Variants in BRAP observed in about 807,000 individuals in gnomAD.
BRAP encodes BRCA1 associated protein, also known as BRCA1-associated protein.
In BRAP, 42 loss-of-function variants were observed where a neutral mutation model predicts 73.4. The observed-to-expected ratio is 0.57, with a 90% CI of 0.45 to 0.74. The LOEUF is 0.74. BRAP is among the 30% of genes least tolerant of loss of function. BRAP has a pLI of 0.00. For synonymous variants in BRAP, 255 were observed against 267.4 expected (o/e 0.95, Z 0.45); for missense variants, 593 against 751.4 (o/e 0.79, Z 2.46).
intron 5 of BRAP, among the ~76,000 whole-genome samples, chr12:111,667,698 CAA>C (rs565349424): frequency 2.8e-4 from 6 of 21,288 alleles, no homozygotes; most frequent in Admixed American, 1.2e-3. Context: ...AACTCCGTCT[CAA>C]AAAAAAAAAA....
chr12:111,679,503 A>T (rs948819693), intron 3 of BRAP, among the ~76,000 whole-genome samples, 163 bp from the exon 4 acceptor site: 1 of 152,192 alleles, frequency 6.6e-6, no homozygotes, highest in Non-Finnish European at 1.5e-5. Flanking sequence ...TTTAATCTTC[A>T]GTTCAACATT....
chr12:111,652,719 C>T (rs1566112103), intron 10 of BRAP, among the ~76,000 whole-genome samples: 1 of 149,760 alleles, frequency 6.7e-6, no homozygotes, highest in South Asian at 2.1e-4. Flanking sequence ...ATCTCTCTCT[C>T]TTTTTTTTTG....
At chr12:111,647,971 G>A (rs1814322424) in intron 11 of BRAP, among the ~76,000 whole-genome samples, 1 of 152,108 alleles carries the variant, frequency 6.6e-6, no homozygotes, top group African/African-American at 2.4e-5. Context: ...GGGAGGCTGA[G>A]GTGGGAGGAT....
Position 111,646,285 on chromosome 12 carries a change from C to CA in BRAP, c.1416-1724dup, listed in dbSNP as rs568837899. Among the ~76,000 whole-genome samples the CA allele has an allele frequency of 3.3e-5, 5 of 151,722 alleles. No individual in the cohort carries two copies. The South Asian group carries it at 1.0e-3, about 32-fold the overall frequency. ...TGTCTGACAGAGTAAGACCCTGTCT[C>CA]AAAAAAACAACAACAAAAACCAAAA... On this transcript the variant is annotated intron_variant, in intron 11 of 11. Coordinates refer to ENST00000419234, the MANE Select transcript of BRAP (RefSeq NM_006768.5).
intron 6 of BRAP, among the ~76,000 whole-genome samples, chr12:111,661,440 C>T (rs1051389800): frequency 2.0e-5 from 3 of 151,840 alleles, no homozygotes; most frequent in East Asian, 1.9e-4. Context: ...CCACCACGCC[C>T]AGCTAATTTT....
chr12:111,651,690 T>G (rs1220545307), intron 10 of BRAP, among the ~76,000 whole-genome samples: 1 of 140,850 alleles, frequency 7.1e-6, no homozygotes, highest in East Asian at 2.1e-4. Context: ...CAGGCTGGAG[T>G]GCAATGGCGC....
intron 10 of BRAP, among the ~76,000 whole-genome samples, chr12:111,650,317 G>A (rs961941573): frequency 2.0e-5 from 3 of 152,158 alleles, no homozygotes; most frequent in African/African-American, 4.8e-5. Context: ...CCAGGCTGGA[G>A]TGCAGTGGGA....
chr12:111,680,329 G>A (rs1887552666), intron 3 of BRAP, among the ~76,000 whole-genome samples: 1 of 152,122 alleles, frequency 6.6e-6, no homozygotes, highest in Non-Finnish European at 1.5e-5. Flanking sequence ...CTGGAATAGA[G>A]AGGAAAGAAA....
At chr12:111,655,191 G>A (rs899829951) in intron 10 of BRAP, among the ~76,000 whole-genome samples, 4 of 151,986 alleles carry the variant, frequency 2.6e-5, no homozygotes, top group Non-Finnish European at 4.4e-5. Context: ...AAGGCTCTGC[G>A]CCATTTCATT....
chr12:111,660,747 A>G, intron 6 of BRAP, 72 bp from the exon 7 acceptor site: 1 of 1,336,146 alleles, frequency 7.5e-7, no homozygotes, highest in Non-Finnish European at 1.0e-6. Context: ...CCAAAAGTCA[A>G]ACACTGGATT....
rs2135906403 is a variant in BRAP, at chr12:111,659,290, C to T, written c.1028G>A (p.Arg343Gln). The part of the protein sequence containing the change: ...GHIGCGRYVS[R>Q]HAYKHFEETQ... ...TTCCTCAAAGTGCTTATAAGCATGT[C>T]GACTGACATACCGTCCACATCCTAT... is the stretch of plus-strand genomic sequence containing the variant. The change falls in exon 8 of 12, where the codon CGA (arginine) becomes CAA (glutamine). Residue 343 changes from arginine to glutamine, a missense_variant. This residue lies in a region of BRAP where 67 missense variants were observed against 158.0 expected (regional missense o/e 0.42). Coordinates refer to ENST00000419234, the MANE Select transcript of BRAP (RefSeq NM_006768.5). 6.2e-7 allele frequency: 1 copy of T among 1,614,000 alleles called. No homozygotes were observed. The highest frequency in any genetic ancestry group is 8.5e-7 in the Non-Finnish European group (1 of 1,179,942).
intron 1 of BRAP, 125 bp from the exon 2 acceptor site, chr12:111,683,432 T>C (rs1304081084): frequency 3.6e-6 from 4 of 1,122,396 alleles, no homozygotes; most frequent in Non-Finnish European, 5.0e-6. Context: ...GAAGCCTTTG[T>C]AGTATCCATC....
chr12:111,681,561 A>G (rs1887600001), intron 3 of BRAP, 76 bp downstream of exon 3: 2 of 1,253,236 alleles, frequency 1.6e-6, no homozygotes, highest in South Asian at 1.4e-5. Flanking sequence ...CCTTCAGGAC[A>G]AGAGACTATG....
chr12:111,683,054 TG>T, intron 2 of BRAP, 91 bp downstream of exon 2: 2 of 1,374,160 alleles, frequency 1.5e-6, no homozygotes, highest in Non-Finnish European at 2.0e-6. Context: ...GTATGCTAGA[TG>T]TTGAAATTGT....
chr12:111,676,720 T>C (rs974296807), intron 4 of BRAP, among the ~76,000 whole-genome samples: 1 of 152,168 alleles, frequency 6.6e-6, no homozygotes, highest in Non-Finnish European at 1.5e-5. Flanking sequence ...CTGGCCAACA[T>C]GGCATCGTTG....
rs2135913333 is a variant in BRAP at position 111,665,530 on chromosome 12, T to C, written c.896+109A>G. On this transcript the variant is annotated intron_variant, in intron 6 of 11. Transcript: ENST00000419234. The surrounding 1 kb of genome is among the most constrained non-coding windows in gnomAD (Gnocchi z 4.3). ...GAAAGGGAAGGAGAAAAAGGACCTC[T>C]TGAATAAAGTCAAATACTTGGAATG... The C allele has an allele frequency of 2.1e-6, 3 of 1,452,636 alleles. No homozygotes were observed. The highest frequency in any genetic ancestry group is 4.6e-5 in the East Asian group (2 of 43,182). 90.0% of individuals were successfully genotyped at this position (1,452,636 alleles called of 1,614,324 possible).
intron 10 of BRAP, among the ~76,000 whole-genome samples, chr12:111,653,224 A>G (rs1315432880): frequency 3.9e-5 from 6 of 152,186 alleles, no homozygotes; most frequent in Admixed American, 3.9e-4. Flanking sequence ...AATTCTGATC[A>G]TTAGCCCACA....
At chr12:111,653,835 T>C (rs1886412710) in intron 10 of BRAP, among the ~76,000 whole-genome samples, 1 of 152,204 alleles carries the variant, frequency 6.6e-6, no homozygotes, top group African/African-American at 2.4e-5. Flanking sequence ...ACGACATTTG[T>C]TACTAGAAAA....
intron 2 of BRAP, 106 bp from the exon 3 acceptor site, chr12:111,681,941 A>G: frequency 9.3e-7 from 1 of 1,074,726 alleles, no homozygotes; most frequent in Non-Finnish European, 1.3e-6. Flanking sequence ...TGATAGAGTA[A>G]TTACAATGTA....
Sources: gnomAD v4.1 joint callset for allele counts (sites outside exome capture counted in the v4.1 genomes callset) on GRCh38, gnomAD v4.1.1 for gene constraint, gnomAD v4.1.1 regional missense constraint, Gnocchi (gnomAD v3.1) non-coding constraint, MANE v1.5 for transcripts, NCBI Gene and HGNC (gene_info 2026-07-23, HGNC 2026-07-21) for gene names.